The following SV2C variants were observed in gnomAD, a reference collection of about 807,000 sequenced individuals.
SV2C encodes the protein synaptic vesicle glycoprotein 2C, also known as solute carrier family 22 member B3.
In SV2C, 49 loss-of-function variants were observed where a neutral mutation model predicts 79.7. That is an observed-to-expected ratio of 0.61 (90% CI 0.49 to 0.78). The LOEUF (loss-of-function observed/expected upper bound fraction) is 0.78, where lower values mean the gene tolerates loss of function less well. Among genes scored for constraint, SV2C ranks in the 30% least tolerant of loss-of-function variants. The pLI, the probability that SV2C is intolerant of heterozygous loss-of-function variation, is 0.00. For synonymous variants in SV2C, 334 were observed against 333.2 expected, an observed-to-expected ratio of 1.00 and a Z score of -0.03; for missense variants, 833 against 912.9, an observed-to-expected ratio of 0.91 and a Z score of 1.13.
At position 76,131,993 on chromosome 5, in the gene SV2C, G is replaced by T. The variant is rs367731415; in HGVS notation, c.243G>T (p.Gly81=). 6.8e-6 allele frequency: 11 copies of T among 1,613,612 alleles called. No individual in the cohort carries two copies. The highest frequency in any genetic ancestry group is 9.3e-6 in the Non-Finnish European group (11 of 1,179,808). Residue 81 remains glycine (G), a synonymous_variant, in exon 2 of 13, where the codon GGG becomes GGT. Coordinates refer to ENST00000502798, the MANE Select transcript of SV2C (RefSeq NM_014979.4). ...DDEGSSEATE[G]HDEDDEIYEG... ...AAGGCTCAAGTGAAGCCACTGAGGG[G>T]CATGATGAAGATGATGAGATCTATG...
At chr5:75,881,134 C>T in the SV2C span, among the ~76,000 whole-genome samples, 1 of 152,130 alleles carries the variant, frequency 6.6e-6, no homozygotes, top group Admixed American at 6.6e-5. Context: ...GGAATCTGCC[C>T]CCATGATCCA....
At chr5:76,047,978 T>C in the SV2C span, among the ~76,000 whole-genome samples, 1 of 152,068 alleles carries the variant, frequency 6.6e-6, no homozygotes, top group African/African-American at 2.4e-5. Context: ...CTTAAAAAAA[T>C]TCTAAGAGAG....
the SV2C span, among the ~76,000 whole-genome samples, chr5:76,016,981 C>T: frequency 6.6e-6 from 1 of 152,204 alleles, no homozygotes; most frequent in Admixed American, 6.5e-5. Flanking sequence ...TCATAATTTA[C>T]CAACACTTCC....
the SV2C span, among the ~76,000 whole-genome samples, chr5:75,899,385 G>C: frequency 1.3e-5 from 2 of 152,182 alleles, no homozygotes; most frequent in Admixed American, 6.6e-5. Flanking sequence ...GGTTTTGAGT[G>C]AGTTTCTTAA....
intron 1 of SV2C, among the ~76,000 whole-genome samples, chr5:76,107,293 G>A (rs991546474): frequency 2.0e-5 from 3 of 152,140 alleles, no homozygotes; most frequent in African/African-American, 7.2e-5. Context: ...TGAGAGTGAT[G>A]AGAGCTTGTT....
intron 3 of SV2C, among the ~76,000 whole-genome samples, chr5:76,203,846 A>G (rs1322902849): frequency 6.6e-6 from 1 of 152,230 alleles, no homozygotes; most frequent in East Asian, 1.9e-4. Context: ...GAAATTGAAG[A>G]CTAAAGCTAC....
chr5:75,901,903 T>C, the SV2C span, among the ~76,000 whole-genome samples: 1 of 152,298 alleles, frequency 6.6e-6, no homozygotes, highest in African/African-American at 2.4e-5. Context: ...AGGTGCGGGA[T>C]ATAATCTTCT....
chr5:76,195,588 C>T (rs966110698), intron 3 of SV2C, among the ~76,000 whole-genome samples: 14 of 152,052 alleles, frequency 9.2e-5, no homozygotes, highest in Admixed American at 1.3e-4. Context: ...TTAGTAAGTT[C>T]CTGACTTCTG....
chr5:76,309,377 G>A (rs1455541256), intron 12 of SV2C, among the ~76,000 whole-genome samples: 2 of 152,028 alleles, frequency 1.3e-5, no homozygotes, highest in African/African-American at 4.8e-5. Flanking sequence ...AAGGCAGGCG[G>A]ATTACGAGGT....
chr5:75,905,461 C>G, the SV2C span, among the ~76,000 whole-genome samples: 2 of 152,216 alleles, frequency 1.3e-5, no homozygotes, highest in Non-Finnish European at 2.9e-5. Flanking sequence ...ATAGCAGCTT[C>G]TTTGGCTGGC....
chr5:76,144,826 T>G (rs939852666), intron 2 of SV2C, among the ~76,000 whole-genome samples: 2 of 44,432 alleles, frequency 4.5e-5, no homozygotes, highest in South Asian at 8.9e-4. Context: ...TGATAGGAGG[T>G]TTTTTTTTGT....
intron 4 of SV2C, among the ~76,000 whole-genome samples, chr5:76,259,847 T>C (rs564152459): frequency 1.3e-5 from 2 of 152,322 alleles, no homozygotes; most frequent in South Asian, 2.1e-4. Flanking sequence ...CAGTCTATCA[T>C]TGATGGGCAT....
intron 2 of SV2C, among the ~76,000 whole-genome samples, chr5:76,166,644 C>A (rs1743055688): frequency 6.8e-6 from 1 of 147,796 alleles, no homozygotes; most frequent in Non-Finnish European, 1.5e-5. Flanking sequence ...TTAAGTGCTG[C>A]CTCAGAAAAT....
intron 1 of SV2C, among the ~76,000 whole-genome samples, chr5:76,105,078 G>A (rs376230803): frequency 6.6e-6 from 1 of 152,282 alleles, no homozygotes; most frequent in East Asian, 1.9e-4. Context: ...AGGTCATACT[G>A]GATGAAGGTG....
At chr5:75,921,377 G>A in the SV2C span, 1 of 898,376 alleles carries the variant, frequency 1.1e-6, no homozygotes, top group Non-Finnish European at 1.9e-6. Flanking sequence ...GTGCTGGTAG[G>A]TGTCCTGCCC....
intron 4 of SV2C, among the ~76,000 whole-genome samples, chr5:76,251,487 G>C (rs1424203693): frequency 6.6e-6 from 1 of 152,144 alleles, no homozygotes; most frequent in South Asian, 2.1e-4. Flanking sequence ...GGAGTTAGAG[G>C]CTTCGGTGAA....
the SV2C span, chr5:75,920,646 G>C: frequency 1.6e-6 from 1 of 629,990 alleles, no homozygotes; most frequent in Non-Finnish European, 2.9e-6. Flanking sequence ...GTGGTGGGGG[G>C]TGGGTGGGAG....
chr5:76,287,031 A>G (rs1747380361), intron 6 of SV2C, among the ~76,000 whole-genome samples: 1 of 152,188 alleles, frequency 6.6e-6, no homozygotes, highest in South Asian at 2.1e-4. Flanking sequence ...GGATAAATTT[A>G]ATGAATTATA....
intron 1 of SV2C, among the ~76,000 whole-genome samples, chr5:76,111,234 G>A (rs951008194): frequency 6.6e-6 from 1 of 152,048 alleles, no homozygotes; most frequent in Non-Finnish European, 1.5e-5. Flanking sequence ...GAATCTATCA[G>A]ATCTGTCTGC....
Sources: gnomAD v4.1 joint callset for allele counts (sites outside exome capture counted in the v4.1 genomes callset) on GRCh38, gnomAD v4.1.1 for gene constraint, MANE v1.5 for transcripts, NCBI Gene and HGNC (gene_info 2026-07-23, HGNC 2026-07-21) for gene names.